FGF13: variants seen among roughly 807,000 people sequenced by gnomAD.
FGF13 encodes fibroblast growth factor 13.
FGF13 carries 2 observed loss-of-function variants against 19.5 expected under a neutral mutation model. That is an observed-to-expected ratio of 0.10 (90% CI 0.04 to 0.32). The LOEUF (loss-of-function observed/expected upper bound fraction) is 0.32, where lower values mean the gene tolerates loss of function less well. Among genes scored for constraint, FGF13 ranks in the 10% least tolerant of loss-of-function variants. FGF13 has a pLI of 1.00. For missense variants in FGF13, 113 were observed against 192.7 expected (o/e 0.59, Z 2.45); for synonymous variants, 72 against 76.9 (o/e 0.94, Z 0.33).
intron 1 of FGF13, among the ~76,000 whole-genome samples, chrX:139,031,233 C>T (rs2092225588): frequency 9.0e-6 from 1 of 110,955 alleles, no homozygotes. Flanking sequence ...TAATAATTTC[C>T]CAAGATTCTA....
chrX:138,798,128 C>T (rs921940467), intron 3 of FGF13, among the ~76,000 whole-genome samples: 1 of 111,758 alleles, frequency 8.9e-6, no homozygotes, highest in Non-Finnish European at 1.9e-5. Flanking sequence ...AGAGGGCATC[C>T]TTTTGTTGTT....
chrX:139,153,058 T>A (rs2083948049), intron 1 of FGF13, among the ~76,000 whole-genome samples: 1 of 111,475 alleles, frequency 9.0e-6, no homozygotes, highest in African/African-American at 3.3e-5. Flanking sequence ...AAGGCAGGGA[T>A]AATCTCTACC....
intron 1 of FGF13, among the ~76,000 whole-genome samples, chrX:139,111,535 C>T (rs1006317366): frequency 8.9e-6 from 1 of 111,953 alleles, no homozygotes; most frequent in African/African-American, 3.2e-5. Flanking sequence ...TGCTTCTAAA[C>T]AGAAATTTTT....
chrX:139,004,467 G>A (rs919680628), intron 1 of FGF13, among the ~76,000 whole-genome samples: 1 of 112,417 alleles, frequency 8.9e-6, no homozygotes, highest in Non-Finnish European at 1.9e-5. Flanking sequence ...CCCAGAAAGC[G>A]GCTCCCACAG....
At chrX:138,962,063 C>A (rs2091873933) in intron 1 of FGF13, among the ~76,000 whole-genome samples, 2 of 111,912 alleles carry the variant, frequency 1.8e-5, no homozygotes, top group Non-Finnish European at 3.8e-5. Flanking sequence ...AGGCAACCAA[C>A]AGAATGGGAG....
At chrX:139,099,146 T>C (rs1665200285) in intron 1 of FGF13, among the ~76,000 whole-genome samples, 1 of 111,075 alleles carries the variant, frequency 9.0e-6, no homozygotes, top group African/African-American at 3.3e-5. Flanking sequence ...ACACGCATCT[T>C]AGCCATGGCC....
intron 1 of FGF13, among the ~76,000 whole-genome samples, chrX:139,012,759 GA>G (rs1212177669): frequency 9.0e-6 from 1 of 111,690 alleles, no homozygotes; most frequent in Non-Finnish European, 1.9e-5. Context: ...ATATAACATT[GA>G]AAAAACTCTT....
chrX:138,874,157 T>A (rs868794533), intron 1 of FGF13, among the ~76,000 whole-genome samples: 1 of 89,453 alleles, frequency 1.1e-5, no homozygotes, highest in Non-Finnish European at 2.2e-5. Flanking sequence ...GTATAATAAA[T>A]ATATATATAT....
chrX:138,840,563 GT>G (rs1435995705), intron 3 of FGF13, among the ~76,000 whole-genome samples: 1 of 111,674 alleles, frequency 9.0e-6, no homozygotes, highest in East Asian at 2.8e-4. Context: ...AAAAGGGAAA[GT>G]GAAAACAGAT....
intron 2 of FGF13, among the ~76,000 whole-genome samples, chrX:138,705,267 T>C (rs1248555185): frequency 9.0e-6 from 1 of 111,423 alleles, no homozygotes. Flanking sequence ...CTTAGTTCTC[T>C]TAATGCAGCT....
chrX:139,182,269 C>T (rs1310401113), intron 1 of FGF13, among the ~76,000 whole-genome samples: 1 of 111,860 alleles, frequency 8.9e-6, no homozygotes, highest in Non-Finnish European at 1.9e-5. Flanking sequence ...TGAAGGTCCA[C>T]ACAGCAAAAG....
intron 3 of FGF13, among the ~76,000 whole-genome samples, chrX:138,657,949 T>A (rs1172850085): frequency 8.9e-6 from 1 of 112,158 alleles, no homozygotes; most frequent in Non-Finnish European, 1.9e-5. Context: ...CGCTTCTGAT[T>A]TTTAAAGTGA....
chrX:138,994,845 A>G (rs1272309999), intron 1 of FGF13, among the ~76,000 whole-genome samples: 1 of 111,117 alleles, frequency 9.0e-6, no homozygotes, highest in Non-Finnish European at 1.9e-5. Context: ...GAGAGCATTT[A>G]TCTATGCCAA....
At chrX:138,799,601 G>A (rs2090811517) in intron 3 of FGF13, among the ~76,000 whole-genome samples, 1 of 111,217 alleles carries the variant, frequency 9.0e-6, no homozygotes, top group Non-Finnish European at 1.9e-5. Flanking sequence ...CTGAGTTCAA[G>A]TCCTGAATAT....
intron 3 of FGF13, among the ~76,000 whole-genome samples, chrX:138,675,002 G>A (rs2089650721): frequency 9.0e-6 from 1 of 111,711 alleles, no homozygotes; most frequent in Admixed American, 9.5e-5. Flanking sequence ...CCCCTTTACA[G>A]GAGGTGCAAT....
chrX:138,821,285 C>G (rs1485761919), intron 3 of FGF13, among the ~76,000 whole-genome samples: 2 of 111,705 alleles, frequency 1.8e-5, no homozygotes, highest in Non-Finnish European at 3.8e-5. Context: ...TCTTGAACAC[C>G]TAAAATGTAG....
chrX:138,896,647 T>C (rs773501729), intron 1 of FGF13, among the ~76,000 whole-genome samples: 28 of 112,414 alleles, frequency 2.5e-4, no homozygotes, highest in African/African-American at 9.0e-4. Flanking sequence ...AGACTTGAGC[T>C]TGAATCTTGG....
intron 1 of FGF13, among the ~76,000 whole-genome samples, chrX:139,003,324 C>G (rs982485545): frequency 8.1e-5 from 9 of 111,470 alleles, no homozygotes; most frequent in African/African-American, 2.9e-4. Flanking sequence ...AGGAGTGAAG[C>G]TGCAGATCTT....
chrX:139,197,898 G>A (rs2084385703), intron 1 of FGF13, among the ~76,000 whole-genome samples: 1 of 106,143 alleles, frequency 9.4e-6, no homozygotes, highest in Admixed American at 1.0e-4. Flanking sequence ...GAAGGCTGGG[G>A]CAGGAGAATC....
Sources: gnomAD v4.1 joint callset for allele counts (sites outside exome capture counted in the v4.1 genomes callset) on GRCh38, gnomAD v4.1.1 for gene constraint, MANE v1.5 for transcripts, NCBI Gene and HGNC (gene_info 2026-07-23, HGNC 2026-07-21) for gene names.